The following RANBP2 variants were observed in gnomAD, a reference collection of about 807,000 sequenced individuals.
RANBP2 encodes E3 SUMO-protein ligase RanBP2.
A neutral mutation model predicts 303.6 loss-of-function variants in RANBP2; 57 were observed. That is an observed-to-expected ratio of 0.19 (90% CI 0.15 to 0.23). The LOEUF (loss-of-function observed/expected upper bound fraction) is 0.23. Ranked by LOEUF, RANBP2 falls within the 10% of genes least tolerant of loss-of-function variation. RANBP2 has a pLI of 1.00. For synonymous variants in RANBP2, 1,167 were observed against 1,301.5 expected (o/e 0.90, Z 2.23); for missense variants, 3,138 against 3,780.8 (o/e 0.83, Z 4.46).
chr2:108,788,829 C>T (rs561568352), downstream of RANBP2: 2 of 1,613,730 alleles, frequency 1.2e-6, no homozygotes, highest in South Asian at 2.2e-5. Context: ...GGTAATCTTT[C>T]ATGGTTTCTT....
At chr2:109,711,671 C>T in the RANBP2 span, among the ~76,000 whole-genome samples, 1 of 152,188 alleles carries the variant, frequency 6.6e-6, no homozygotes, top group East Asian at 1.9e-4. Flanking sequence ...TGTGCACCAG[C>T]CTGTCCTGGC....
At chr2:109,630,178 A>C in the RANBP2 span, among the ~76,000 whole-genome samples, 4 of 152,258 alleles carry the variant, frequency 2.6e-5, no homozygotes, top group East Asian at 7.7e-4. Context: ...GAATACATAT[A>C]TGTGCACATA....
chr2:109,703,321 T>G, the RANBP2 span, among the ~76,000 whole-genome samples: 1 of 152,250 alleles, frequency 6.6e-6, no homozygotes, highest in Admixed American at 6.5e-5. Flanking sequence ...TGTGCAACTC[T>G]AATCGAATAG....
the RANBP2 span, among the ~76,000 whole-genome samples, chr2:109,428,841 G>A: frequency 3.3e-5 from 5 of 152,270 alleles, no homozygotes; most frequent in South Asian, 2.1e-4. Flanking sequence ...CAAGCAAATG[G>A]AAGGTGAGAG....
At chr2:108,985,081 C>T in the RANBP2 span, among the ~76,000 whole-genome samples, 2 of 152,186 alleles carry the variant, frequency 1.3e-5, no homozygotes, top group African/African-American at 4.8e-5. Context: ...AAAGTGCTTT[C>T]TCTCAGGATT....
the RANBP2 span, among the ~76,000 whole-genome samples, chr2:109,572,989 G>T: frequency 6.6e-6 from 1 of 152,166 alleles, no homozygotes; most frequent in South Asian, 2.1e-4. Flanking sequence ...AAAAAATAAA[G>T]AATATATTTA....
the RANBP2 span, among the ~76,000 whole-genome samples, chr2:109,436,095 C>T: frequency 6.6e-6 from 1 of 152,148 alleles, no homozygotes; most frequent in Non-Finnish European, 1.5e-5. Flanking sequence ...GCAGCCTGTT[C>T]TCCCACCTGT....
the RANBP2 span, among the ~76,000 whole-genome samples, chr2:109,391,753 C>A: frequency 6.6e-6 from 1 of 152,306 alleles, no homozygotes; most frequent in Middle Eastern, 3.4e-3. Flanking sequence ...GGCCACCAAC[C>A]CTTGGTAACT....
At chr2:109,110,502 A>G in the RANBP2 span, among the ~76,000 whole-genome samples, 8 of 152,198 alleles carry the variant, frequency 5.3e-5, no homozygotes, top group Non-Finnish European at 8.8e-5. Flanking sequence ...GATCAGTAAC[A>G]TCACCCATAA....
At chr2:109,765,871 T>G in the RANBP2 span, among the ~76,000 whole-genome samples, 1 of 150,660 alleles carries the variant, frequency 6.6e-6, no homozygotes, top group Non-Finnish European at 1.5e-5. Context: ...CTTTTTAGAC[T>G]TTACTTCATG....
chr2:109,652,828 C>A, the RANBP2 span, among the ~76,000 whole-genome samples: 497 of 152,244 alleles, frequency 3.3e-3, 2 homozygotes, highest in African/African-American at 0.012. Context: ...AGATGTTTCG[C>A]GTTCTAGAGA....
At chr2:108,809,771 A>G in the RANBP2 span, among the ~76,000 whole-genome samples, 81 of 151,450 alleles carry the variant, frequency 5.3e-4, 1 homozygote, top group South Asian at 0.016. Flanking sequence ...TCATCCAAAG[A>G]AGGACAATTT....
the RANBP2 span, among the ~76,000 whole-genome samples, chr2:109,077,506 C>T: frequency 1.4e-5 from 2 of 147,296 alleles, no homozygotes; most frequent in African/African-American, 4.9e-5. Flanking sequence ...AGGAATGAAT[C>T]AATGAAATGA....
chr2:108,920,699 CT>C, the RANBP2 span, among the ~76,000 whole-genome samples: 1 of 152,216 alleles, frequency 6.6e-6, no homozygotes, highest in African/African-American at 2.4e-5. Flanking sequence ...ACCCCAGAAA[CT>C]GGAATGATTT....
chr2:109,729,097 C>A, the RANBP2 span, among the ~76,000 whole-genome samples: 1 of 152,142 alleles, frequency 6.6e-6, no homozygotes, highest in Non-Finnish European at 1.5e-5. Flanking sequence ...GCTGACATTG[C>A]AAGAGGGAGG....
chr2:109,240,292 G>A, the RANBP2 span, among the ~76,000 whole-genome samples: 18 of 152,232 alleles, frequency 1.2e-4, no homozygotes, highest in Admixed American at 2.6e-4. Context: ...TTGAGGTCGG[G>A]AGTCCAACAT....
the RANBP2 span, among the ~76,000 whole-genome samples, chr2:109,647,327 A>C: frequency 6.6e-6 from 1 of 150,378 alleles, no homozygotes; most frequent in Non-Finnish European, 1.5e-5. Flanking sequence ...CCACGGCCAG[A>C]TAATTTTTGT....
the RANBP2 span, among the ~76,000 whole-genome samples, chr2:109,654,850 T>A: frequency 1.3e-5 from 2 of 152,022 alleles, no homozygotes; most frequent in Non-Finnish European, 2.9e-5. Context: ...GAATGTGGCG[T>A]GACCTCTCAG....
At chr2:108,738,007 C>A (rs1260117641) in intron 6 of RANBP2, among the ~76,000 whole-genome samples, 9 of 151,554 alleles carry the variant, frequency 5.9e-5, no homozygotes, top group African/African-American at 2.2e-4. Context: ...AGCCACCGCG[C>A]CCAGCCCACA....
Sources: allele counts gnomAD v4.1 joint callset (sites outside exome capture counted in the v4.1 genomes callset), GRCh38; gene constraint gnomAD v4.1.1; transcripts MANE v1.5; gene names NCBI Gene and HGNC (gene_info 2026-07-23, HGNC 2026-07-21).